RMST: variants seen among roughly 807,000 people sequenced by gnomAD.
RMST encodes the protein rhabdomyosarcoma 2 associated transcript.
chr12:97,513,235 G>T (rs1592715985), intron 10 of RMST, among the ~76,000 whole-genome samples: 2 of 152,258 alleles, frequency 1.3e-5, no homozygotes, highest in African/African-American at 2.4e-5. Flanking sequence ...CAAAGTGGGA[G>T]CCCAGGCAGA....
At chr12:97,482,718 T>G (rs1292774256) in intron 5 of RMST, among the ~76,000 whole-genome samples, 1 of 141,668 alleles carries the variant, frequency 7.1e-6, no homozygotes, top group African/African-American at 2.7e-5. Flanking sequence ...TTTATATTAT[T>G]TATTTATTAA....
rs565849274 is a variant in RMST at position 97,552,320 on chromosome 12, G to A, written n.1546-8217G>A. On this transcript the variant is annotated intron_variant and non_coding_transcript_variant, in intron 11 of 13. Transcript: ENST00000640149. The stretch of plus-strand genomic sequence containing the variant: ...TCGTAATCTATTTTGAAAGCAGGTT[G>A]GTATTTAAAAAGTGAAATAAAATTA... 17 of 152,202 alleles carry A rather than the reference G, an allele frequency of 1.1e-4. No individual in the cohort carries two copies. In the South Asian group the frequency reaches 3.1e-3, roughly 28 times the overall value. The allele number at this position is 152,202 out of a possible 1,614,324, so 9.4% of individuals were successfully genotyped here.
At chr12:97,486,343 G>A (rs897756927) in intron 5 of RMST, among the ~76,000 whole-genome samples, 2 of 50,348 alleles carry the variant, frequency 4.0e-5, no homozygotes, top group African/African-American at 2.4e-4. Flanking sequence ...ATGTGAATAA[G>A]TGACATGGCT....
At chr12:97,504,085 T>A (rs911527525) in intron 10 of RMST, among the ~76,000 whole-genome samples, 46 of 152,114 alleles carry the variant, frequency 3.0e-4, no homozygotes, top group Admixed American at 2.6e-3. Context: ...AGTAGAGATG[T>A]GTTTTCACTA....
intron 10 of RMST, among the ~76,000 whole-genome samples, chr12:97,521,437 T>C (rs1880499481): frequency 6.6e-6 from 1 of 152,146 alleles, no homozygotes; most frequent in African/African-American, 2.4e-5. Context: ...AACATATATA[T>C]GTATGTATGT....
At chr12:97,528,782 T>G (rs1346707348) in intron 10 of RMST, among the ~76,000 whole-genome samples, 2 of 152,086 alleles carry the variant, frequency 1.3e-5, no homozygotes, top group Non-Finnish European at 2.9e-5. Flanking sequence ...AGGTAAGTAT[T>G]TATTCTTCAT....
At chr12:97,519,318 C>T (rs187122393) in intron 10 of RMST, among the ~76,000 whole-genome samples, 9 of 152,244 alleles carry the variant, frequency 5.9e-5, no homozygotes, top group Admixed American at 5.9e-4. Flanking sequence ...AGAGTCTGTA[C>T]GTCAATCCCA....
chr12:97,542,693 A>G (rs1017905394), intron 11 of RMST, among the ~76,000 whole-genome samples: 3 of 151,936 alleles, frequency 2.0e-5, no homozygotes, highest in Admixed American at 1.3e-4. Flanking sequence ...CATGAACTAC[A>G]CGGCCCTAAT....
intron 11 of RMST, among the ~76,000 whole-genome samples, chr12:97,553,395 G>A (rs1346076048): frequency 1.3e-5 from 2 of 152,148 alleles, no homozygotes; most frequent in Non-Finnish European, 2.9e-5. Context: ...TGCACAGTTA[G>A]CCTCCAGAAT....
chr12:97,510,204 G>A (rs1004558080), intron 10 of RMST, among the ~76,000 whole-genome samples: 33 of 152,300 alleles, frequency 2.2e-4, no homozygotes, highest in Non-Finnish European at 3.7e-4. Flanking sequence ...CCTTAGAAAT[G>A]AAGCAAATGT....
At chr12:97,552,532 G>T (rs935678728) in intron 11 of RMST, among the ~76,000 whole-genome samples, 1 of 152,014 alleles carries the variant, frequency 6.6e-6, no homozygotes, top group Non-Finnish European at 1.5e-5. Flanking sequence ...CAAATAAAGG[G>T]CATCATTTCA....
At chr12:97,510,351 T>C (rs1252050351) in intron 10 of RMST, among the ~76,000 whole-genome samples, 1 of 152,198 alleles carries the variant, frequency 6.6e-6, no homozygotes, top group Non-Finnish European at 1.5e-5. Context: ...ATAAGATCTT[T>C]GGTTTTCATT....
In RMST at chr12:97,500,335, C is replaced by CA. The variant is rs1370105086; in HGVS notation, n.1340+4280dup. ...TGACATGGTCATATACTGACTGAAT[C>CA]AGTCATGGATTTCAGTCCACGATTC... On this transcript the variant is annotated intron_variant and non_coding_transcript_variant, in intron 10 of 13. Transcript: ENST00000640149. Among the ~76,000 whole-genome samples the CA allele has an allele frequency of 2.0e-5, 3 of 152,204 alleles. No homozygotes were observed. The East Asian group carries it at 5.8e-4, about 29-fold the overall frequency.
chr12:97,465,587 T>G (rs1199337625), intron 4 of RMST: 1 of 152,202 alleles, frequency 6.6e-6, no homozygotes, highest in Non-Finnish European at 1.5e-5. Flanking sequence ...CACCATCAGC[T>G]TTCTTTCGAG....
intron 10 of RMST, among the ~76,000 whole-genome samples, chr12:97,524,030 C>T (rs111857617): frequency 0.048 from 6,216 of 128,726 alleles, 482 homozygotes; most frequent in African/African-American, 0.17. Context: ...GAGCCGAGAT[C>T]GCGCCACTGC....
At chr12:97,540,935 GAGAT>G (rs1409523610) in intron 11 of RMST, among the ~76,000 whole-genome samples, 12 of 113,028 alleles carry the variant, frequency 1.1e-4, no homozygotes, top group African/African-American at 2.4e-4. Context: ...AATAGATAGA[GAGAT>G]AGATAGATAT....
intron 10 of RMST, among the ~76,000 whole-genome samples, chr12:97,523,647 G>A (rs1044282217): frequency 3.3e-5 from 5 of 151,364 alleles, no homozygotes; most frequent in Admixed American, 2.6e-4. Context: ...TTTTTTTCTT[G>A]CCTCTGTATC....
chr12:97,474,153 G>T (rs1874249657), intron 5 of RMST, among the ~76,000 whole-genome samples: 1 of 152,088 alleles, frequency 6.6e-6, no homozygotes, highest in Admixed American at 6.6e-5. Context: ...TTTTCCTGGA[G>T]ATCCTATTAC....
At chr12:97,554,115 C>G (rs1883516115) in intron 11 of RMST, among the ~76,000 whole-genome samples, 1 of 151,960 alleles carries the variant, frequency 6.6e-6, no homozygotes, top group African/African-American at 2.4e-5. Flanking sequence ...CCATTACACC[C>G]AGCTAATTTT....
Sources: gnomAD v4.1 joint callset for allele counts (sites outside exome capture counted in the v4.1 genomes callset) on GRCh38, gnomAD v4.1.1 for gene constraint, MANE v1.5 for transcripts, NCBI Gene and HGNC (gene_info 2026-07-23, HGNC 2026-07-21) for gene names.